Variants in PPP1R13B observed in about 807,000 individuals in gnomAD.
PPP1R13B encodes the protein apoptosis-stimulating of p53 protein 1.
Under a neutral mutation model 119.8 loss-of-function variants are expected in PPP1R13B, and 44 were observed. That is an observed-to-expected ratio of 0.37 (90% confidence interval 0.29 to 0.47). The LOEUF is 0.47. Among genes scored for constraint, PPP1R13B ranks in the 20% least tolerant of loss-of-function variants. The pLI, the probability that PPP1R13B is intolerant of heterozygous loss-of-function variation, is 0.99. For missense variants in PPP1R13B, 1,227 were observed against 1,413.5 expected (o/e 0.87, Z 2.12); for synonymous variants, 542 against 561.5 (o/e 0.97, Z 0.49).
rs1270975796 is a variant in PPP1R13B, at chr14:103,757,726, G to A, written c.380C>T (p.Thr127Ile). The A allele has an allele frequency of 6.2e-7, 1 of 1,614,018 alleles. No individual in the cohort carries two copies. The highest frequency in any genetic ancestry group is 1.1e-5 in the South Asian group (1 of 91,074). Residue 127 changes from threonine (T) to isoleucine (I), a missense_variant, in exon 5 of 17, where the codon ACC becomes ATC. Transcript: ENST00000202556. ...TGCCATATCTTGGAGCTCTGAGAGGGTAAGTTCAACACGTGGATTCCCAAC... is the reference window on the plus strand; with the variant it reads ...TGCCATATCTTGGAGCTCTGAGAGGATAAGTTCAACACGTGGATTCCCAAC... ...NGVGNPRVELTLSELQDMAAR... is the reference protein window; with the variant it reads ...NGVGNPRVELILSELQDMAAR...
intron 1 of PPP1R13B, among the ~76,000 whole-genome samples, chr14:103,844,725 CA>C (rs1386431280): frequency 1.3e-5 from 2 of 150,690 alleles, no homozygotes; most frequent in African/African-American, 2.4e-5. Flanking sequence ...GACTCTGTCA[CA>C]AAAAAAGAAA....
At chr14:103,765,919 T>C (rs1234549022) in intron 4 of PPP1R13B, among the ~76,000 whole-genome samples, 1 of 151,906 alleles carries the variant, frequency 6.6e-6, no homozygotes, top group East Asian at 1.9e-4. Context: ...TATCAGACAT[T>C]TACATATACC....
chr14:103,761,290 A>G (rs1042946080), intron 4 of PPP1R13B, among the ~76,000 whole-genome samples: 1 of 151,420 alleles, frequency 6.6e-6, no homozygotes, highest in Non-Finnish European at 1.5e-5. Context: ...AAAAAAAAAA[A>G]AAAAAAAAAG....
rs2084064260 is a variant in PPP1R13B, at chr14:103,735,183, T to C, written c.3244A>G (p.Ile1082Val). 1.9e-6 allele frequency: 3 copies of C among 1,614,030 alleles called. No homozygotes were observed. Among genetic ancestry groups the C allele is most frequent in the Non-Finnish European group, 2.5e-6 (3 of 1,179,996 alleles). The change falls in exon 17 of 17, where the codon ATC (isoleucine) becomes GTC (valine). Residue 1082 changes from isoleucine (I) to valine (V), a missense_variant. Transcript: ENST00000202556. ...GCGAGTGTTCGCTGTCGGGGTTTGATCCGTGGATACAGCTGGGAAGCAACG... is the reference window on the plus strand; with the variant it reads ...GCGAGTGTTCGCTGTCGGGGTTTGACCCGTGGATACAGCTGGGAAGCAACG... ...PKNLLGLYPR[I>V]KPRQRTLA
intron 1 of PPP1R13B, among the ~76,000 whole-genome samples, chr14:103,807,432 A>G (rs1374464198): frequency 6.6e-6 from 1 of 152,250 alleles, no homozygotes; most frequent in Non-Finnish European, 1.5e-5. Context: ...CTGCTGTGTC[A>G]GTAGTGCCTG....
intron 9 of PPP1R13B, among the ~76,000 whole-genome samples, chr14:103,745,623 T>C (rs2084366430): frequency 6.6e-6 from 1 of 152,110 alleles, no homozygotes; most frequent in Non-Finnish European, 1.5e-5. Flanking sequence ...CATTGTGAGG[T>C]CAAGACCAAA....
At chr14:103,775,996 A>G (rs2085177868) in intron 4 of PPP1R13B, among the ~76,000 whole-genome samples, 1 of 152,074 alleles carries the variant, frequency 6.6e-6, no homozygotes, top group Admixed American at 6.6e-5. Flanking sequence ...TAATACCTGC[A>G]AAATCTAAAA....
intron 3 of PPP1R13B, among the ~76,000 whole-genome samples, chr14:103,779,216 G>A (rs1001011058): frequency 6.6e-6 from 1 of 152,000 alleles, no homozygotes; most frequent in Non-Finnish European, 1.5e-5. Flanking sequence ...TTGAGTGAGA[G>A]GGGTCGAGGC....
intron 8 of PPP1R13B, chr14:103,747,346 T>G (rs1457040003): frequency 3.9e-5 from 6 of 152,142 alleles, no homozygotes; most frequent in Admixed American, 3.9e-4. Context: ...GAGACGCATC[T>G]CTGCAAAAAT....
At chr14:103,840,287 A>G (rs1216356611) in intron 1 of PPP1R13B, among the ~76,000 whole-genome samples, 2 of 152,250 alleles carry the variant, frequency 1.3e-5, no homozygotes, top group African/African-American at 2.4e-5. Flanking sequence ...CCATCTGTGC[A>G]AACACATACA....
chr14:103,786,766 C>CAAAAAAA (rs1174732049), intron 2 of PPP1R13B, among the ~76,000 whole-genome samples: 1,284 of 44,570 alleles, frequency 0.029, 217 homozygotes, highest in African/African-American at 0.089. Flanking sequence ...AACTCTGTCT[C>CAAAAAAA]AAAAAAAAAA....
chr14:103,835,799 C>T (rs1385202336), intron 1 of PPP1R13B, among the ~76,000 whole-genome samples: 4 of 151,046 alleles, frequency 2.6e-5, no homozygotes, highest in East Asian at 4.0e-4. Flanking sequence ...TTAGTAGAGA[C>T]GGGGTTTCAC....
Position 103,742,767 on chromosome 14 carries a change from C to T in PPP1R13B, c.1207G>A (p.Val403Met), listed in dbSNP as rs771762973. 1.2e-6 allele frequency: 2 copies of T among 1,614,204 alleles called. No individual in the cohort carries two copies. Among genetic ancestry groups the T allele is most frequent in the African/African-American group, 1.3e-5 (1 of 75,070 alleles). ...KQNSSSSVKP[V>M]QVAGADWKDP... Reference sequence around the variant, plus strand: ...TTCCAGTCTGCACCGGCCACCTGCACTGGTTTCACGGAAGAGCTAGAATTC... The same window carrying T: ...TTCCAGTCTGCACCGGCCACCTGCATTGGTTTCACGGAAGAGCTAGAATTC... Residue 403 changes from valine (V) to methionine (M), a missense_variant, in exon 10 of 17, where the codon GTG (valine) becomes ATG (methionine). By Grantham distance (21) the Val-to-Met change is conservative. Transcript: ENST00000202556. This position sits in a 1 kb window ranked among gnomAD's most constrained non-coding sequence, Gnocchi z 4.9.
At chr14:103,814,344 G>A (rs996983031) in intron 1 of PPP1R13B, among the ~76,000 whole-genome samples, 5 of 152,156 alleles carry the variant, frequency 3.3e-5, no homozygotes, top group East Asian at 1.9e-4. Flanking sequence ...GCAAGACTCC[G>A]TCTCAAAATA....
rs543849555 is a variant in PPP1R13B at position 103,843,819 on chromosome 14, G to A, written c.9+3480C>T. On this transcript the variant is annotated intron_variant, in intron 1 of 16. Transcript: ENST00000202556. ...AATACAAAAATTAGCTGGGCGTGGC[G>A]GCGCACGCCTGTAGTCTGAGCTACT... is the stretch of plus-strand genomic sequence containing the variant. 4.3e-4 allele frequency among the ~76,000 whole-genome samples: 66 copies of A among 152,112 alleles called. 1 individual carries two copies. In the South Asian group the frequency reaches 0.011, roughly 25 times the overall value.
chr14:103,736,311 G>A, intron 15 of PPP1R13B, 109 bp from the exon 16 acceptor site: 2 of 1,219,038 alleles, frequency 1.6e-6, no homozygotes, highest in Non-Finnish European at 2.4e-6. Context: ...GCTCTCAGCA[G>A]GCCCCACAGA....
At chr14:103,813,260 G>A (rs1179361923) in intron 1 of PPP1R13B, among the ~76,000 whole-genome samples, 10 of 151,744 alleles carry the variant, frequency 6.6e-5, no homozygotes. Flanking sequence ...ATCCAGAAGA[G>A]AGTCCCCACT....
intron 1 of PPP1R13B, among the ~76,000 whole-genome samples, chr14:103,829,458 G>A (rs1454717329): frequency 3.9e-5 from 6 of 152,044 alleles, no homozygotes; most frequent in Non-Finnish European, 8.8e-5. Flanking sequence ...GTCTTTCTAT[G>A]TTGTTGCCCA....
intron 4 of PPP1R13B, among the ~76,000 whole-genome samples, chr14:103,759,002 A>T (rs1216676023): frequency 6.7e-6 from 1 of 149,080 alleles, no homozygotes; most frequent in African/African-American, 2.5e-5. Flanking sequence ...TCTGTCACCC[A>T]GGCTGGAGTG....
Sources: allele counts gnomAD v4.1 joint callset (sites outside exome capture counted in the v4.1 genomes callset), GRCh38; gene constraint gnomAD v4.1.1; non-coding constraint Gnocchi (gnomAD v3.1); transcripts MANE v1.5; gene names NCBI Gene and HGNC (gene_info 2026-07-23, HGNC 2026-07-21).